The following KIF26B variants were observed in gnomAD, a reference collection of about 807,000 sequenced individuals.
KIF26B encodes the protein kinesin family member 26B, also known as kinesin-like protein KIF26B.
KIF26B carries 63 observed loss-of-function variants against 151.2 expected under a neutral mutation model. That is an observed-to-expected ratio of 0.42 (90% CI 0.34 to 0.51). KIF26B has a LOEUF of 0.51. Ranked by LOEUF, KIF26B falls within the 20% of genes least tolerant of loss-of-function variation. The pLI is 0.07. For synonymous variants in KIF26B, 1,357 were observed against 1,262.1 expected (o/e 1.08, Z -1.59); for missense variants, 2,813 against 2,913.6 (o/e 0.97, Z 0.79).
chr1:245,445,864 A>G (rs1014926870), intron 4 of KIF26B, among the ~76,000 whole-genome samples: 4 of 152,162 alleles, frequency 2.6e-5, no homozygotes, highest in Non-Finnish European at 5.9e-5. Flanking sequence ...TAACAATTCC[A>G]TTAGCATCCT....
intron 5 of KIF26B, among the ~76,000 whole-genome samples, chr1:245,596,341 A>G (rs2043335897): frequency 6.6e-6 from 1 of 152,192 alleles, no homozygotes; most frequent in South Asian, 2.1e-4. Flanking sequence ...TGTGTCCCAG[A>G]GATTCTGGTA....
intron 5 of KIF26B, among the ~76,000 whole-genome samples, chr1:245,574,212 C>T (rs1019553234): frequency 2.6e-5 from 4 of 152,204 alleles, no homozygotes; most frequent in East Asian, 1.9e-4. Context: ...GGCGTGATCT[C>T]GGCTCACTGC....
intron 5 of KIF26B, among the ~76,000 whole-genome samples, chr1:245,559,314 C>T (rs540517685): frequency 2.6e-5 from 4 of 152,202 alleles, no homozygotes; most frequent in East Asian, 3.9e-4. Context: ...ACTCCAGCTT[C>T]GGCCACAGAG....
intron 2 of KIF26B, among the ~76,000 whole-genome samples, chr1:245,178,678 A>T (rs1169151382): frequency 6.6e-6 from 1 of 152,122 alleles, no homozygotes; most frequent in African/African-American, 2.4e-5. Flanking sequence ...CTTTACCCTG[A>T]TTTCCTCCCC....
In KIF26B at chr1:245,443,696, G is replaced by A. The variant is rs112859441; in HGVS notation, c.1166+23951G>A. 1.1e-4 allele frequency among the ~76,000 whole-genome samples: 11 copies of A among 101,438 alleles called. 1 individual carries two copies. The highest frequency in any genetic ancestry group is 5.1e-4 in the East Asian group (1 of 1,948). The allele number at this position is 101,438 out of a possible 152,430, so 66.5% of individuals were successfully genotyped here. On this transcript the variant is annotated intron_variant, in intron 4 of 14. Coordinates refer to ENST00000407071, the MANE Select transcript of KIF26B (RefSeq NM_018012.4). ...TCATCTCCCTCACTGTTCACCCTGC[G>A]GTCATCTCCCTCACTGTTCACCTAG...
chr1:245,464,700 G>A (rs1659739820), intron 4 of KIF26B, among the ~76,000 whole-genome samples: 1 of 151,866 alleles, frequency 6.6e-6, no homozygotes, highest in African/African-American at 2.4e-5. Flanking sequence ...GTGCATGTGT[G>A]TGCAAGCGTC....
chr1:245,385,356 C>A (rs947703420), intron 3 of KIF26B, among the ~76,000 whole-genome samples: 1 of 152,214 alleles, frequency 6.6e-6, no homozygotes, highest in African/African-American at 2.4e-5. Flanking sequence ...ATATTGATTA[C>A]AGTAACTAGT....
intron 4 of KIF26B, among the ~76,000 whole-genome samples, chr1:245,537,169 G>A (rs1661506835): frequency 6.6e-6 from 1 of 152,228 alleles, no homozygotes; most frequent in Admixed American, 6.5e-5. Flanking sequence ...ATTTAAAGGA[G>A]ATGAGGGAGT....
Position 245,602,669 on chromosome 1 carries a change from C to A in KIF26B, c.1443C>A (p.Ile481=), listed in dbSNP as rs1455508547. The A allele has an allele frequency of 6.2e-7, 1 of 1,614,040 alleles. No homozygotes were observed. The highest frequency in any genetic ancestry group is 2.2e-5 in the East Asian group (1 of 44,886). ...FLKVDPRKKQ[I]TLYDPLTCGG... ...AGGTGGACCCACGGAAGAAGCAGAT[C>A]ACCTTGTACGATCCCCTGACTTGTG... Residue 481 remains isoleucine, a synonymous_variant, in exon 6 of 15, where the codon ATC becomes ATA. Transcript: ENST00000407071. The surrounding 1 kb of genome is among the most constrained non-coding windows in gnomAD (Gnocchi z 4.5).
At chr1:245,332,245 T>G (rs1468523001) in intron 2 of KIF26B, among the ~76,000 whole-genome samples, 1 of 152,214 alleles carries the variant, frequency 6.6e-6, no homozygotes, top group Non-Finnish European at 1.5e-5. Context: ...TATCAGTGGT[T>G]GGAGGAGTGT....
At chr1:245,552,122 GGTGTGTGTGTGTGTGT>G (rs55650522) in intron 5 of KIF26B, among the ~76,000 whole-genome samples, 48 of 131,704 alleles carry the variant, frequency 3.6e-4, no homozygotes, top group African/African-American at 9.8e-4. Context: ...GAACCAGCAG[GGTGTGTGTGTGTGTGT>G]GTGTGTGTGT....
At chr1:245,403,866 C>T (rs1487000456) in intron 3 of KIF26B, among the ~76,000 whole-genome samples, 1 of 152,164 alleles carries the variant, frequency 6.6e-6, no homozygotes, top group Non-Finnish European at 1.5e-5. Flanking sequence ...ATGGAACTGA[C>T]CTTTCATAAT....
chr1:245,595,004 A>G (rs757008461), intron 5 of KIF26B, among the ~76,000 whole-genome samples: 16 of 152,192 alleles, frequency 1.1e-4, no homozygotes, highest in Admixed American at 3.3e-4. Context: ...TGATTTTTGC[A>G]CAATGATTTT....
chr1:245,388,282 T>G (rs1189050777), intron 3 of KIF26B, among the ~76,000 whole-genome samples: 2 of 152,222 alleles, frequency 1.3e-5, no homozygotes, highest in Admixed American at 1.3e-4. Flanking sequence ...TGACGGATAC[T>G]TCTTCCTGGA....
At chr1:245,623,384 T>C (rs2103165469) in intron 9 of KIF26B, among the ~76,000 whole-genome samples, 1 of 152,312 alleles carries the variant, frequency 6.6e-6, no homozygotes, top group Admixed American at 6.5e-5. Flanking sequence ...CATAATGATT[T>C]TGAGATGTAA....
chr1:245,650,336 A>G (rs143881252), intron 10 of KIF26B, among the ~76,000 whole-genome samples: 1 of 152,368 alleles, frequency 6.6e-6, no homozygotes, highest in East Asian at 1.9e-4. Flanking sequence ...ATAAGAAAAA[A>G]TAGGCAGAAG....
At chr1:245,471,918 A>C (rs1659924307) in intron 4 of KIF26B, among the ~76,000 whole-genome samples, 1 of 151,790 alleles carries the variant, frequency 6.6e-6, no homozygotes, top group Non-Finnish European at 1.5e-5. Flanking sequence ...CAGCCTCCCG[A>C]GTAGCTGAGA....
chr1:245,685,022 G>A (rs2044491206), intron 11 of KIF26B, among the ~76,000 whole-genome samples: 1 of 151,782 alleles, frequency 6.6e-6, no homozygotes, highest in Admixed American at 6.7e-5. Context: ...CTGCTGAGGT[G>A]GGGGCCTTTT....
intron 4 of KIF26B, among the ~76,000 whole-genome samples, chr1:245,467,664 G>C (rs1398883179): frequency 6.6e-6 from 1 of 152,192 alleles, no homozygotes; most frequent in Non-Finnish European, 1.5e-5. Flanking sequence ...GGAGGCTGAG[G>C]TGGGCGGATC....
Sources: allele counts gnomAD v4.1 joint callset (sites outside exome capture counted in the v4.1 genomes callset), GRCh38; gene constraint gnomAD v4.1.1; non-coding constraint Gnocchi (gnomAD v3.1); transcripts MANE v1.5; gene names NCBI Gene and HGNC (gene_info 2026-07-23, HGNC 2026-07-21).